The following SYT1 variants were observed in gnomAD, a reference collection of about 807,000 sequenced individuals.
SYT1 encodes the protein synaptotagmin 1, also known as synaptotagmin-1.
Under a neutral mutation model 44.8 loss-of-function variants are expected in SYT1, and 8 were observed. The ratio of observed to expected loss-of-function variants is 0.18; its 90% CI spans 0.10 to 0.32. The LOEUF (loss-of-function observed/expected upper bound fraction) is 0.32. Among genes scored for constraint, SYT1 ranks in the 10% least tolerant of loss-of-function variants. SYT1 has a pLI of 1.00. For synonymous variants in SYT1, 154 were observed against 188.8 expected, an observed-to-expected ratio of 0.82 and a Z score of 1.51; for missense variants, 286 against 509.3, an observed-to-expected ratio of 0.56 and a Z score of 4.22.
intron 4 of SYT1, among the ~76,000 whole-genome samples, chr12:79,260,039 G>C (rs1877744559): frequency 6.6e-6 from 1 of 152,072 alleles, no homozygotes; most frequent in African/African-American, 2.4e-5. Flanking sequence ...ATTTTATTTT[G>C]ATCAATTTCA....
chr12:78,879,634 T>C (rs780457775), intron 1 of SYT1, among the ~76,000 whole-genome samples: 15 of 151,796 alleles, frequency 9.9e-5, no homozygotes, highest in Non-Finnish European at 2.2e-4. Context: ...AATATATGTC[T>C]TAATAAAATT....
intron 1 of SYT1, among the ~76,000 whole-genome samples, chr12:78,931,199 G>C (rs561168336): frequency 8.0e-4 from 27 of 33,556 alleles, no homozygotes; most frequent in African/African-American, 4.4e-3. Flanking sequence ...AAGAAAGAAA[G>C]AAAGAAAGAA....
At chr12:79,378,406 A>C (rs1884086129) in intron 9 of SYT1, among the ~76,000 whole-genome samples, 1 of 152,242 alleles carries the variant, frequency 6.6e-6, no homozygotes, top group South Asian at 2.1e-4. Context: ...CACTGGAAAC[A>C]ACCTTTTTGA....
chr12:79,413,053 GAAA>G (rs1868526472), intron 9 of SYT1, among the ~76,000 whole-genome samples: 1 of 152,108 alleles, frequency 6.6e-6, no homozygotes, highest in Non-Finnish European at 1.5e-5. Flanking sequence ...AGACTGAAAG[GAAA>G]AAGCCTCTGG....
intron 1 of SYT1, among the ~76,000 whole-genome samples, chr12:78,956,802 A>G (rs1332455217): frequency 6.6e-6 from 1 of 152,144 alleles, no homozygotes; most frequent in Non-Finnish European, 1.5e-5. Context: ...ACTTTTGTAC[A>G]TGAAGAACTA....
chr12:79,249,759 C>T (rs1185383541), intron 4 of SYT1, among the ~76,000 whole-genome samples: 1 of 152,152 alleles, frequency 6.6e-6, no homozygotes, highest in Non-Finnish European at 1.5e-5. Flanking sequence ...AAGGTTAGGT[C>T]ACCATTCCTG....
At chr12:78,868,666 C>A (rs987934734) in intron 1 of SYT1, 4 of 151,700 alleles carry the variant, frequency 2.6e-5, no homozygotes, top group Non-Finnish European at 5.9e-5. Flanking sequence ...GGACAGTAGA[C>A]TATAATTTGC....
intron 1 of SYT1, among the ~76,000 whole-genome samples, chr12:78,879,395 G>A (rs1874338075): frequency 6.6e-6 from 1 of 151,732 alleles, no homozygotes; most frequent in Admixed American, 6.6e-5. Flanking sequence ...CGTCTTACTA[G>A]GATTCCTGAC....
intron 9 of SYT1, among the ~76,000 whole-genome samples, chr12:79,425,299 A>G (rs971869447): frequency 6.6e-6 from 1 of 151,972 alleles, no homozygotes; most frequent in East Asian, 1.9e-4. Context: ...AATAAACCTG[A>G]CCCCTCATAT....
At chr12:79,424,981 T>G (rs1869360600) in intron 9 of SYT1, among the ~76,000 whole-genome samples, 1 of 142,446 alleles carries the variant, frequency 7.0e-6, no homozygotes, top group Non-Finnish European at 1.5e-5. Context: ...TTGAGACATT[T>G]AATTTGCACT....
At chr12:79,283,854 G>C (rs1403601901) in intron 4 of SYT1, among the ~76,000 whole-genome samples, 5 of 151,268 alleles carry the variant, frequency 3.3e-5, no homozygotes, top group African/African-American at 4.9e-5. Context: ...AAAAGTTGTA[G>C]TTTTATGTCC....
Position 79,351,236 on chromosome 12 carries a change from A to T in SYT1, c.811-2266A>T, listed in dbSNP as rs369022538. Among the ~76,000 whole-genome samples the T allele has an allele frequency of 1.6e-3, 243 of 152,282 alleles. 1 individual carries two copies. The highest frequency in any genetic ancestry group is 5.7e-3 in the African/African-American group (236 of 41,566). ...CCTGCTTCCGAGCATGCTTTTTCAA[A>T]CTGTACAAATACTCTCTTCTGAAGA... On this transcript the variant is annotated intron_variant, in intron 8 of 10. Coordinates refer to ENST00000261205, the MANE Select transcript of SYT1 (RefSeq NM_005639.3).
intron 1 of SYT1, among the ~76,000 whole-genome samples, chr12:78,975,112 C>T (rs1267322265): frequency 6.7e-6 from 1 of 149,328 alleles, no homozygotes; most frequent in Non-Finnish European, 1.5e-5. Context: ...CCTGATCCCA[C>T]CCCACCCCCA....
At chr12:78,959,354 G>T (rs992312811) in intron 1 of SYT1, among the ~76,000 whole-genome samples, 1 of 151,944 alleles carries the variant, frequency 6.6e-6, no homozygotes, top group Non-Finnish European at 1.5e-5. Flanking sequence ...AAAATTATAG[G>T]TAACTGCAAA....
rs138116569 is a variant in SYT1 at position 78,970,050 on chromosome 12, A to G, written c.-216-7749A>G. 4.2e-3 allele frequency among the ~76,000 whole-genome samples: 645 copies of G among 152,296 alleles called. 5 individuals carry two copies. Among genetic ancestry groups the G allele is most frequent in the African/African-American group, 0.014 (599 of 41,576 alleles). The stretch of plus-strand genomic sequence containing the variant: ...AGATTATTCCAGAGTTTGTTACAGT[A>G]TCTAAGTATAAAGTGGTAAAGATCT... On this transcript the variant is annotated intron_variant, in intron 1 of 10. Transcript: ENST00000261205.
chr12:79,203,199 A>G (rs924195633), intron 3 of SYT1, among the ~76,000 whole-genome samples: 37 of 152,220 alleles, frequency 2.4e-4, no homozygotes, highest in Non-Finnish European at 5.9e-5. Flanking sequence ...ATTATTTTCC[A>G]TTACAAGAAG....
chr12:79,369,217 C>T (rs996552477), intron 9 of SYT1, among the ~76,000 whole-genome samples: 13 of 152,170 alleles, frequency 8.5e-5, no homozygotes, highest in Non-Finnish European at 1.5e-5. Context: ...CATGGTGGCT[C>T]ATCCCTGTAA....
chr12:79,418,384 C>T (rs1354613565), intron 9 of SYT1, among the ~76,000 whole-genome samples: 1 of 152,104 alleles, frequency 6.6e-6, no homozygotes, highest in Non-Finnish European at 1.5e-5. Flanking sequence ...ATGTTATTGA[C>T]AATCTCTCCA....
chr12:79,144,482 G>A (rs1869754079), intron 3 of SYT1, among the ~76,000 whole-genome samples: 1 of 152,058 alleles, frequency 6.6e-6, no homozygotes, highest in Non-Finnish European at 1.5e-5. Context: ...CTGATTTTCT[G>A]TGCAAGGACC....
Sources: gnomAD v4.1 joint callset for allele counts (sites outside exome capture counted in the v4.1 genomes callset) on GRCh38, gnomAD v4.1.1 for gene constraint, MANE v1.5 for transcripts, NCBI Gene and HGNC (gene_info 2026-07-23, HGNC 2026-07-21) for gene names.